Variants in NAV3 observed in about 807,000 individuals in gnomAD.
The protein encoded by NAV3 is neuron navigator 3, also known as pore membrane and/or filament interacting like protein 1.
Under a neutral mutation model 244.7 loss-of-function variants are expected in NAV3, and 87 were observed. The observed-to-expected ratio is 0.36, with a 90% CI of 0.30 to 0.42. The LOEUF is 0.42. NAV3 is among the 20% of genes least tolerant of loss of function. NAV3 has a pLI of 1.00. For missense variants in NAV3, 2,663 were observed against 2,893.3 expected, an observed-to-expected ratio of 0.92 and a Z score of 1.83; for synonymous variants, 1,126 against 1,042.2, an observed-to-expected ratio of 1.08 and a Z score of -1.55.
chr12:77,837,627 T>C (rs1253834727), intron 1 of NAV3, among the ~76,000 whole-genome samples: 2 of 152,176 alleles, frequency 1.3e-5, no homozygotes, highest in African/African-American at 2.4e-5. Flanking sequence ...TAAGGCTGTA[T>C]GGTTACAGAA....
chr12:77,913,829 A>G (rs1291214528), intron 1 of NAV3, among the ~76,000 whole-genome samples: 3 of 152,124 alleles, frequency 2.0e-5, no homozygotes. Flanking sequence ...ATTTAAAAGT[A>G]TGTTTCCTTA....
chr12:77,966,340 A>C (rs780485681), intron 4 of NAV3, 39 bp downstream of exon 4: 2 of 1,489,800 alleles, frequency 1.3e-6, no homozygotes. Context: ...AAATGGCATC[A>C]ATGTTTTTAA....
At chr12:77,913,493 C>T (rs538126800) in intron 1 of NAV3, among the ~76,000 whole-genome samples, 36 of 152,080 alleles carry the variant, frequency 2.4e-4, no homozygotes, top group African/African-American at 6.7e-4. Context: ...AGTGCAGTGG[C>T]GCAATCTCGA....
At chr12:77,835,480 C>T (rs1190297210) in intron 1 of NAV3, among the ~76,000 whole-genome samples, 1 of 152,188 alleles carries the variant, frequency 6.6e-6, no homozygotes, top group Admixed American at 6.5e-5. Flanking sequence ...TCAGTTGTCA[C>T]TCCCTTCACC....
intron 1 of NAV3, among the ~76,000 whole-genome samples, chr12:77,936,634 G>A (rs1889354252): frequency 6.6e-6 from 1 of 152,112 alleles, no homozygotes; most frequent in Admixed American, 6.6e-5. Context: ...AACTCATTCA[G>A]CTGAAACTAA....
intron 8 of NAV3, among the ~76,000 whole-genome samples, chr12:78,008,650 A>G (rs944264858): frequency 5.0e-5 from 5 of 100,132 alleles, no homozygotes; most frequent in Non-Finnish European, 9.3e-5. Context: ...GTTTATACTG[A>G]TTTATTTTTT....
Position 77,636,990 on chromosome 12 carries a change from G to A in NAV3, c.72+64724G>A, listed in dbSNP as rs187916905. 3.3e-5 allele frequency among the ~76,000 whole-genome samples: 5 copies of A among 152,068 alleles called. No homozygotes were observed. In the South Asian group the frequency reaches 6.2e-4, roughly 19 times the overall value. On this transcript the variant is annotated intron_variant, in intron 2 of 8. Transcript: ENST00000550042. ...GAACATCACACACTGGGGCCTGTTG[G>A]GGGGTGGGGTCTTAGGAGAGGGATA... is the stretch of plus-strand genomic sequence containing the variant.
intron 2 of NAV3, among the ~76,000 whole-genome samples, chr12:77,813,007 G>A (rs1252617446): frequency 1.3e-5 from 2 of 151,962 alleles, no homozygotes; most frequent in Non-Finnish European, 2.9e-5. Context: ...GTTTTTAGTA[G>A]ACACGGGGTT....
chr12:77,893,251 T>A (rs1185501052), intron 1 of NAV3, among the ~76,000 whole-genome samples: 1 of 152,214 alleles, frequency 6.6e-6, no homozygotes, highest in Admixed American at 6.5e-5. Flanking sequence ...TACATTATGC[T>A]GTAAATTTTC....
At chr12:77,612,231 T>C (rs1031756082) in intron 2 of NAV3, among the ~76,000 whole-genome samples, 71 of 152,266 alleles carry the variant, frequency 4.7e-4, no homozygotes, top group African/African-American at 1.6e-3. Context: ...GAAATACAGC[T>C]ATTATTTGAC....
At chr12:77,960,054 A>C (rs1891745711) in intron 3 of NAV3, among the ~76,000 whole-genome samples, 1 of 151,610 alleles carries the variant, frequency 6.6e-6, no homozygotes, top group Non-Finnish European at 1.5e-5. Context: ...TGCATTAAGC[A>C]TTGATTGTGC....
intron 8 of NAV3, among the ~76,000 whole-genome samples, chr12:78,021,409 C>CA (rs1283728499): frequency 6.6e-6 from 1 of 151,946 alleles, no homozygotes; most frequent in Admixed American, 6.6e-5. Context: ...ACTATTCTCA[C>CA]AAAAAATGTA....
At chr12:77,871,290 A>T (rs1880914536) in intron 1 of NAV3, among the ~76,000 whole-genome samples, 1 of 152,204 alleles carries the variant, frequency 6.6e-6, no homozygotes, top group Non-Finnish European at 1.5e-5. Flanking sequence ...TTCTATTTTT[A>T]AAATTTTATT....
intron 12 of NAV3, among the ~76,000 whole-genome samples, chr12:78,106,866 C>T (rs969044918): frequency 6.6e-6 from 1 of 152,202 alleles, no homozygotes; most frequent in African/African-American, 2.4e-5. Flanking sequence ...CCACCTGACA[C>T]TGCAGTCCTC....
chr12:77,702,120 T>TG (rs1219611439), intron 2 of NAV3, among the ~76,000 whole-genome samples: 2 of 152,060 alleles, frequency 1.3e-5, no homozygotes, highest in African/African-American at 4.8e-5. Context: ...GATTTTGCTT[T>TG]GTGTATTTTG....
chr12:77,853,551 C>T (rs1877881468), intron 1 of NAV3, among the ~76,000 whole-genome samples: 1 of 151,990 alleles, frequency 6.6e-6, no homozygotes, highest in Admixed American at 6.6e-5. Context: ...CAAAACTATT[C>T]TATGCAAAAA....
At chr12:77,741,542 C>A (rs965392481) in intron 2 of NAV3, among the ~76,000 whole-genome samples, 3 of 152,066 alleles carry the variant, frequency 2.0e-5, no homozygotes, top group Non-Finnish European at 4.4e-5. Context: ...TATTCTATGC[C>A]CCTACTTCCT....
chr12:78,001,845 G>A (rs1048015868), intron 7 of NAV3, among the ~76,000 whole-genome samples: 2 of 152,176 alleles, frequency 1.3e-5, no homozygotes, highest in Non-Finnish European at 2.9e-5. Flanking sequence ...AATGAAAACA[G>A]CATCATTTGT....
intron 20 of NAV3, among the ~76,000 whole-genome samples, chr12:78,146,106 C>A (rs1956852253): frequency 6.6e-6 from 1 of 151,912 alleles, no homozygotes; most frequent in African/African-American, 2.4e-5. Flanking sequence ...TCTTTTAATT[C>A]TGTCTTTTGC....
Sources: allele counts gnomAD v4.1 joint callset (sites outside exome capture counted in the v4.1 genomes callset), GRCh38; gene constraint gnomAD v4.1.1; transcripts MANE v1.5; gene names NCBI Gene and HGNC (gene_info 2026-07-23, HGNC 2026-07-21).